Variants in ADAMTS16 observed in about 807,000 individuals in gnomAD.
The protein encoded by ADAMTS16 is ADAM metallopeptidase with thrombospondin type 1 motif 16, also known as A disintegrin and metalloproteinase with thrombospondin motifs 16.
A neutral mutation model predicts 145.8 loss-of-function variants in ADAMTS16; 94 were observed. That is an observed-to-expected ratio of 0.64 (90% CI 0.55 to 0.77). ADAMTS16 has a LOEUF of 0.77. ADAMTS16 is among the 30% of genes least tolerant of loss of function. ADAMTS16 has a pLI of 0.00. For synonymous variants in ADAMTS16, 659 were observed against 604.3 expected, an observed-to-expected ratio of 1.09 and a Z score of -1.33; for missense variants, 1,585 against 1,591.5, an observed-to-expected ratio of 1.00 and a Z score of 0.07.
chr5:5,201,394 T>C (rs1735951633), intron 9 of ADAMTS16, among the ~76,000 whole-genome samples: 2 of 152,120 alleles, frequency 1.3e-5, no homozygotes, highest in Non-Finnish European at 2.9e-5. Flanking sequence ...AATTTTAAAA[T>C]GAAGAACAGA....
chr5:5,220,943 C>T (rs1460405875), intron 10 of ADAMTS16, among the ~76,000 whole-genome samples: 2 of 152,090 alleles, frequency 1.3e-5, no homozygotes, highest in African/African-American at 4.8e-5. Context: ...CACACTCATT[C>T]ATTCATTCCT....
At chr5:5,170,277 T>A (rs1252428077) in intron 3 of ADAMTS16, among the ~76,000 whole-genome samples, 1 of 152,208 alleles carries the variant, frequency 6.6e-6, no homozygotes, top group Non-Finnish European at 1.5e-5. Flanking sequence ...TAGTTTTGAT[T>A]TGCATTTCTC....
intron 9 of ADAMTS16, among the ~76,000 whole-genome samples, chr5:5,201,213 G>C: frequency 6.6e-6 from 1 of 152,240 alleles, no homozygotes; most frequent in East Asian, 1.9e-4. Context: ...GACAAGGGTG[G>C]TGTTCCTGGA....
At position 5,221,123 on chromosome 5, in the gene ADAMTS16, G is replaced by A. The variant is rs527437621; in HGVS notation, c.1606-1666G>A. Among the ~76,000 whole-genome samples, 4 of 152,156 alleles carry A rather than the reference G, an allele frequency of 2.6e-5. No homozygotes were observed. In the East Asian group the frequency reaches 7.8e-4, roughly 29 times the overall value. On this transcript the variant is annotated intron_variant, in intron 10 of 22. Transcript: ENST00000274181. The stretch of plus-strand genomic sequence containing the variant: ...CGGTGTGCACAGGCTGTGGTTTTAA[G>A]GGAGTTTATTTTTATCCTGGCATTC...
chr5:5,152,193 C>G (rs1190383573), intron 3 of ADAMTS16, among the ~76,000 whole-genome samples: 2 of 152,246 alleles, frequency 1.3e-5, no homozygotes, highest in Non-Finnish European at 2.9e-5. Flanking sequence ...GTTCATGCAG[C>G]CTGTCTCTTC....
chr5:5,304,308 T>A (rs1739929351), intron 20 of ADAMTS16, among the ~76,000 whole-genome samples: 1 of 152,160 alleles, frequency 6.6e-6, no homozygotes, highest in African/African-American at 2.4e-5. Context: ...CTCTACACCA[T>A]TCAGGAGCTG....
chr5:5,168,439 CT>C (rs1734943404), intron 3 of ADAMTS16, among the ~76,000 whole-genome samples: 1 of 144,364 alleles, frequency 6.9e-6, no homozygotes. Context: ...TTTAAAAACT[CT>C]TCAAGTTAAT....
Position 5,296,470 on chromosome 5 carries a change from A to G in ADAMTS16, c.2790-6798A>G, listed in dbSNP as rs1739536148. Among the ~76,000 whole-genome samples, 3 of 152,302 alleles carry G rather than the reference A, an allele frequency of 2.0e-5. No individual in the cohort carries two copies. The South Asian group carries it at 6.2e-4, about 32-fold the overall frequency. On this transcript the variant is annotated intron_variant, in intron 18 of 22. Coordinates refer to ENST00000274181, the MANE Select transcript of ADAMTS16 (RefSeq NM_139056.4). Reference sequence around the variant, plus strand: ...AAAATTAGTACAACTTTAATACAAGAAATTGACGCCACAAAGGGGAAGGGA... The same window carrying G: ...AAAATTAGTACAACTTTAATACAAGGAATTGACGCCACAAAGGGGAAGGGA...
At chr5:5,161,436 A>G (rs556078491) in intron 3 of ADAMTS16, among the ~76,000 whole-genome samples, 10 of 152,306 alleles carry the variant, frequency 6.6e-5, no homozygotes, top group African/African-American at 2.4e-4. Context: ...GGATAAGGGG[A>G]CATAACACAG....
intron 20 of ADAMTS16, among the ~76,000 whole-genome samples, chr5:5,304,989 C>CCACACACA (rs201782122): frequency 3.8e-4 from 22 of 57,448 alleles, no homozygotes; most frequent in African/African-American, 1.3e-3. Context: ...ACATCCTACA[C>CCACACACA]CACACACACA....
intron 10 of ADAMTS16, among the ~76,000 whole-genome samples, chr5:5,209,982 C>A (rs942259907): frequency 6.6e-6 from 1 of 152,176 alleles, no homozygotes. Flanking sequence ...TGGGAATACT[C>A]CCAACTTAAA....
intron 17 of ADAMTS16, among the ~76,000 whole-genome samples, chr5:5,251,982 C>A (rs566549845): frequency 6.6e-6 from 1 of 152,260 alleles, no homozygotes; most frequent in South Asian, 2.1e-4. Context: ...TCCCGAGTAG[C>A]TGGGACTACA....
At chr5:5,233,297 AC>A (rs1736995615) in intron 12 of ADAMTS16, among the ~76,000 whole-genome samples, 1 of 152,234 alleles carries the variant, frequency 6.6e-6, no homozygotes, top group Non-Finnish European at 1.5e-5. Context: ...GAGAAGCATC[AC>A]CAGTGTGCGG....
chr5:5,174,747 C>T (rs1447187665), intron 3 of ADAMTS16, among the ~76,000 whole-genome samples: 2 of 152,174 alleles, frequency 1.3e-5, no homozygotes, highest in East Asian at 3.8e-4. Flanking sequence ...ATGCATTCTT[C>T]AGTTTGTAAA....
At chr5:5,314,505 C>A (rs565861323) in intron 21 of ADAMTS16, among the ~76,000 whole-genome samples, 1 of 152,272 alleles carries the variant, frequency 6.6e-6, no homozygotes, top group South Asian at 2.1e-4. Context: ...TGAGGAACAA[C>A]TTGGATTTTT....
At chr5:5,316,230 A>T (rs1734051898) in intron 21 of ADAMTS16, among the ~76,000 whole-genome samples, 1 of 152,208 alleles carries the variant, frequency 6.6e-6, no homozygotes, top group African/African-American at 2.4e-5. Context: ...ACTCTCTTGT[A>T]GGTTTGGGGC....
At chr5:5,314,045 C>A (rs1740566285) in intron 21 of ADAMTS16, among the ~76,000 whole-genome samples, 2 of 151,996 alleles carry the variant, frequency 1.3e-5, no homozygotes, top group African/African-American at 4.8e-5. Context: ...GGGATTTGTA[C>A]AAAAATTCAC....
chr5:5,257,489 TGTAATGCAAATTGCGAC>T (rs1264385832), intron 17 of ADAMTS16, among the ~76,000 whole-genome samples: 3 of 152,134 alleles, frequency 2.0e-5, no homozygotes, highest in South Asian at 2.1e-4. Flanking sequence ...CAAACTGGGA[TGTAATGCAAATTGCGAC>T]GTAATGCAAA....
At chr5:5,154,208 T>G (rs1734544470) in intron 3 of ADAMTS16, among the ~76,000 whole-genome samples, 1 of 152,222 alleles carries the variant, frequency 6.6e-6, no homozygotes, top group East Asian at 1.9e-4. Flanking sequence ...AAGGTGTCAC[T>G]ATCTGAGAAG....
Sources: allele counts gnomAD v4.1 joint callset (sites outside exome capture counted in the v4.1 genomes callset), GRCh38; gene constraint gnomAD v4.1.1; transcripts MANE v1.5; gene names NCBI Gene and HGNC (gene_info 2026-07-23, HGNC 2026-07-21).